Variants in LARGE1 observed in about 807,000 individuals in gnomAD.
LARGE1 encodes LARGE xylosyl- and glucuronyltransferase 1.
A neutral mutation model predicts 87.6 loss-of-function variants in LARGE1; 43 were observed. The ratio of observed to expected loss-of-function variants is 0.49; its 90% CI spans 0.38 to 0.63. The LOEUF is 0.63. Among genes scored for constraint, LARGE1 ranks in the 30% least tolerant of loss-of-function variants. The probability of loss-of-function intolerance (pLI) is 0.00; values close to 1 mark genes in which losing one functional copy is unlikely to be tolerated. For synonymous variants in LARGE1, 434 were observed against 394.6 expected, an observed-to-expected ratio of 1.10 and a Z score of -1.18; for missense variants, 802 against 1,000.2, an observed-to-expected ratio of 0.80 and a Z score of 2.67.
At chr22:33,889,438 G>A (rs536786390) in intron 1 of LARGE1, among the ~76,000 whole-genome samples, 1 of 152,310 alleles carries the variant, frequency 6.6e-6, no homozygotes, top group South Asian at 2.1e-4. Flanking sequence ...TTGAGATTCT[G>A]GAGCTGGAAT....
intron 7 of LARGE1, among the ~76,000 whole-genome samples, chr22:33,399,274 T>G (rs1336286829): frequency 5.9e-5 from 9 of 152,204 alleles, no homozygotes; most frequent in Admixed American, 6.5e-5. Flanking sequence ...CTGATAATAT[T>G]GGCTTCCAGC....
intron 6 of LARGE1, among the ~76,000 whole-genome samples, chr22:33,529,264 G>A (rs1569241738): frequency 6.6e-6 from 1 of 152,110 alleles, no homozygotes; most frequent in Admixed American, 6.5e-5. Flanking sequence ...TGCCTTGGCA[G>A]CCCAAGCCCT....
At chr22:33,597,910 A>G (rs1602637412) in intron 5 of LARGE1, among the ~76,000 whole-genome samples, 1 of 152,182 alleles carries the variant, frequency 6.6e-6, no homozygotes, top group Non-Finnish European at 1.5e-5. Flanking sequence ...CTGTTAGTTT[A>G]GAACAGGATC....
At chr22:33,173,871 G>C (rs913134648) in intron 11 of LARGE1, among the ~76,000 whole-genome samples, 1 of 152,132 alleles carries the variant, frequency 6.6e-6, no homozygotes, top group Non-Finnish European at 1.5e-5. Context: ...AAGAAACTTA[G>C]ACTCCCACAC....
intron 2 of LARGE1, among the ~76,000 whole-genome samples, chr22:33,687,580 G>A (rs918416288): frequency 6.6e-6 from 1 of 152,158 alleles, no homozygotes; most frequent in Non-Finnish European, 1.5e-5. Flanking sequence ...GAAGGTTCCA[G>A]GAGGCGTCGC....
At chr22:33,589,845 T>G in intron 5 of LARGE1, among the ~76,000 whole-genome samples, 1 of 152,196 alleles carries the variant, frequency 6.6e-6, no homozygotes, top group Non-Finnish European at 1.5e-5. Flanking sequence ...GGAAGAATCT[T>G]TACCCTCCTC....
the LARGE1 span, among the ~76,000 whole-genome samples, chr22:33,156,089 A>G: frequency 2.6e-5 from 4 of 152,220 alleles, no homozygotes; most frequent in African/African-American, 9.6e-5. Context: ...ATGCCCAGGC[A>G]GAAGTTTGCT....
chr22:33,573,176 C>T (rs115583249), intron 5 of LARGE1, among the ~76,000 whole-genome samples: 2,629 of 152,028 alleles, frequency 0.017, 64 homozygotes, highest in African/African-American at 0.06. Flanking sequence ...TGCTGTTGCA[C>T]GCCTGTAATC....
At chr22:33,675,490 A>G (rs918707316) in intron 2 of LARGE1, among the ~76,000 whole-genome samples, 17 of 151,984 alleles carry the variant, frequency 1.1e-4, no homozygotes, top group African/African-American at 3.9e-4. Context: ...CAGGTATAAA[A>G]GCCGTGGGGT....
At chr22:33,595,961 C>T (rs1275605005) in intron 5 of LARGE1, among the ~76,000 whole-genome samples, 1 of 152,182 alleles carries the variant, frequency 6.6e-6, no homozygotes, top group African/African-American at 2.4e-5. Context: ...GCGAATATTT[C>T]TAATAGAGTT....
At chr22:33,413,129 A>T (rs1025775979) in intron 7 of LARGE1, among the ~76,000 whole-genome samples, 1 of 152,190 alleles carries the variant, frequency 6.6e-6, no homozygotes, top group Non-Finnish European at 1.5e-5. Flanking sequence ...AAATTCTTTT[A>T]AAAAATAGTC....
chr22:33,541,293 C>A (rs545720509), intron 6 of LARGE1, among the ~76,000 whole-genome samples: 1 of 151,212 alleles, frequency 6.6e-6, no homozygotes, highest in African/African-American at 2.4e-5. Context: ...CAGGGCAAGC[C>A]GACTTTTTGA....
chr22:33,142,427 G>A, the LARGE1 span, among the ~76,000 whole-genome samples: 2 of 152,038 alleles, frequency 1.3e-5, no homozygotes, highest in Non-Finnish European at 2.9e-5. Context: ...CTGTGACATT[G>A]GCCTTCCCTG....
chr22:33,223,570 T>G (rs1925564491), intron 11 of LARGE1, among the ~76,000 whole-genome samples: 1 of 152,170 alleles, frequency 6.6e-6, no homozygotes, highest in Non-Finnish European at 1.5e-5. Flanking sequence ...CTGTGGTCAG[T>G]AAGTGATGGT....
At chr22:33,753,997 G>A (rs2084414982) in intron 2 of LARGE1, among the ~76,000 whole-genome samples, 1 of 152,080 alleles carries the variant, frequency 6.6e-6, no homozygotes, top group African/African-American at 2.4e-5. Context: ...GGGAGGCGGA[G>A]GTTGCAATGA....
chr22:33,886,661 AAAAAAAAAAAAAAG>A lies in LARGE1; in HGVS notation c.-83+33320_-83+33333del, dbSNP rs942478761. On this transcript the variant is annotated intron_variant, in intron 1 of 14. Coordinates refer to ENST00000397394, the MANE Select transcript of LARGE1 (RefSeq NM_133642.5). ...ACAACAGAGTGAGATTCTGCCAAAA[AAAAAAAAAAAAAAG>A]AAAAAAAAAGGAAGGGAGGGAGGGA... is the stretch of plus-strand genomic sequence containing the variant. Among the ~76,000 whole-genome samples the A allele has an allele frequency of 1.1e-4, 16 of 145,944 alleles. No homozygotes were observed. In the South Asian group the frequency reaches 1.3e-3, roughly 12 times the overall value.
intron 8 of LARGE1, among the ~76,000 whole-genome samples, chr22:33,382,877 T>C (rs921290597): frequency 8.5e-5 from 13 of 152,224 alleles, no homozygotes; most frequent in African/African-American, 3.1e-4. Context: ...TTATTTTTTT[T>C]CTTAAACTCA....
chr22:33,216,618 G>C (rs1344455206), intron 11 of LARGE1, among the ~76,000 whole-genome samples: 1 of 148,954 alleles, frequency 6.7e-6, no homozygotes, highest in South Asian at 2.1e-4. Flanking sequence ...AAAAAGAAAA[G>C]AAAAGAAAAT....
At chr22:33,353,028 A>T (rs1270998396) in intron 9 of LARGE1, among the ~76,000 whole-genome samples, 1 of 152,214 alleles carries the variant, frequency 6.6e-6, no homozygotes, top group East Asian at 1.9e-4. Context: ...AAAGTAGAGA[A>T]ATGACTCCCT....
Sources: gnomAD v4.1 joint callset for allele counts (sites outside exome capture counted in the v4.1 genomes callset) on GRCh38, gnomAD v4.1.1 for gene constraint, MANE v1.5 for transcripts, NCBI Gene and HGNC (gene_info 2026-07-23, HGNC 2026-07-21) for gene names.